CHD9: variants seen among roughly 807,000 people sequenced by gnomAD.
CHD9 encodes chromodomain helicase DNA binding protein 9.
In CHD9, 77 loss-of-function variants were observed where a neutral mutation model predicts 316.1. The observed-to-expected ratio is 0.24, with a 90% confidence interval of 0.20 to 0.29. CHD9 has a LOEUF of 0.29. Among genes scored for constraint, CHD9 ranks in the 10% least tolerant of loss-of-function variants. The pLI, the probability that CHD9 is intolerant of heterozygous loss-of-function variation, is 1.00. For missense variants in CHD9, 2,763 were observed against 3,438.1 expected (o/e 0.80, Z 4.91); for synonymous variants, 1,129 against 1,158.3 (o/e 0.97, Z 0.51).
intron 8 of CHD9, among the ~76,000 whole-genome samples, chr16:53,229,336 T>C (rs917497142): frequency 6.6e-5 from 10 of 152,330 alleles, no homozygotes; most frequent in African/African-American, 2.4e-4. Flanking sequence ...TAGCATATAT[T>C]TCAACATTTA....
intron 28 of CHD9, among the ~76,000 whole-genome samples, chr16:53,292,571 A>G (rs2054431489): frequency 6.6e-6 from 1 of 152,214 alleles, no homozygotes; most frequent in South Asian, 2.1e-4. Flanking sequence ...TTTGCCAGCC[A>G]GTGTGATATA....
chr16:53,146,413 G>GTATATATATATATATATATA (rs1361043895), intron 1 of CHD9, among the ~76,000 whole-genome samples: 115 of 24,424 alleles, frequency 4.7e-3, no homozygotes, highest in South Asian at 0.015. Flanking sequence ...TTGTGTGTGT[G>GTATATATATATATATATATA]TGTATGTATA....
chr16:53,279,367 G>A (rs899764053), intron 24 of CHD9, among the ~76,000 whole-genome samples: 14 of 152,062 alleles, frequency 9.2e-5, no homozygotes, highest in Non-Finnish European at 1.6e-4. Context: ...TCGTGGGGTG[G>A]GGGGTAAGGG....
chr16:53,084,562 G>A (rs919876061), intron 1 of CHD9, among the ~76,000 whole-genome samples: 5 of 152,306 alleles, frequency 3.3e-5, no homozygotes, highest in African/African-American at 1.2e-4. Flanking sequence ...GGCCAATATG[G>A]TGAAACCCTG....
chr16:53,117,992 A>AT (rs1299235705), intron 1 of CHD9, among the ~76,000 whole-genome samples: 2 of 151,330 alleles, frequency 1.3e-5, no homozygotes, highest in African/African-American at 2.4e-5. Flanking sequence ...CGCCCAGCTA[A>AT]TTTTTTTTGT....
Position 53,156,962 on chromosome 16 carries a change from A to G in CHD9, c.873A>G (p.Ala291=). 6.2e-7 allele frequency: 1 copy of G among 1,613,330 alleles called. No homozygotes were observed. The highest frequency in any genetic ancestry group is 8.5e-7 in the Non-Finnish European group (1 of 1,179,538). The change falls in exon 2 of 39, where the codon GCA becomes GCG. Residue 291 remains alanine, a synonymous_variant. Transcript: ENST00000447540. ...CAAACAGTCTACTTCAGTCCTCTGC[A>G]GTTCTTGCATCTAATCATACAAATC... ...ISPNSLLQSS[A]VLASNHTNQT... is the part of the protein sequence containing the mutation.
chr16:53,280,381 C>T (rs1046130475), intron 24 of CHD9, among the ~76,000 whole-genome samples: 1 of 152,016 alleles, frequency 6.6e-6, no homozygotes, highest in Non-Finnish European at 1.5e-5. Context: ...TTGCAGCAAC[C>T]TTGGGGGATA....
At chr16:53,084,673 G>A (rs1420179866) in intron 1 of CHD9, among the ~76,000 whole-genome samples, 1 of 152,212 alleles carries the variant, frequency 6.6e-6, no homozygotes, top group Non-Finnish European at 1.5e-5. Context: ...AACCTGGGAG[G>A]CGGAGGTTGC....
Position 53,304,349 on chromosome 16 carries a change from A to C in CHD9, c.6343A>C (p.Asn2115His), listed in dbSNP as rs750240375. ...VAARTEPLTP[N>H]PASKKPRVHK... ...AGCCAGAACAGAACCCCTAACTCCA[A>C]ACCCAGCTTCTAAGAAACCAAGAGT... is the stretch of plus-strand genomic sequence containing the variant. Residue 2115 changes from asparagine (N) to histidine (H), a missense_variant, in exon 31 of 39, where the codon AAC (asparagine) becomes CAC (histidine). Physicochemically the swap from Asn to His is moderately conservative, Grantham distance 68. This residue lies in a region of CHD9 where 663 missense variants were observed against 751.2 expected (regional missense o/e 0.88). Coordinates refer to ENST00000447540, the MANE Select transcript of CHD9 (RefSeq NM_001308319.2). The C allele has an allele frequency of 6.2e-7, 1 of 1,613,206 alleles. No individual in the cohort carries two copies. Among genetic ancestry groups the C allele is most frequent in the East Asian group, 2.2e-5 (1 of 44,848 alleles).
In CHD9 at chr16:53,286,229, A is replaced by T; in HGVS notation, c.5075A>T (p.Tyr1692Phe). Residue 1692 changes from tyrosine (Y) to phenylalanine (F), a missense_variant, in exon 26 of 39, where the codon TAT becomes TTT. Physicochemically the swap from Tyr to Phe is conservative, Grantham distance 22 (BLOSUM62 3). Coordinates refer to ENST00000447540, the MANE Select transcript of CHD9 (RefSeq NM_001308319.2). Reference sequence around the variant, plus strand: ...TTGTAATTGGTGATGTTTTCAGGATATGAAAAATATAACACTATTCGAGCA... The same window carrying T: ...TTGTAATTGGTGATGTTTTCAGGATTTGAAAAATATAACACTATTCGAGCA... ...SLLIGVFKHG[Y>F]EKYNTIRADP... 1.3e-6 allele frequency: 2 copies of T among 1,578,064 alleles called. No homozygotes were observed. The highest frequency in any genetic ancestry group is 1.7e-6 in the Non-Finnish European group (2 of 1,148,142).
At chr16:53,134,130 A>G (rs1405397237) in intron 1 of CHD9, among the ~76,000 whole-genome samples, 1 of 152,220 alleles carries the variant, frequency 6.6e-6, no homozygotes, top group African/African-American at 2.4e-5. Context: ...TACTGGGGAA[A>G]TTTCATCGGG....
chr16:53,168,987 G>A (rs1258049775), intron 2 of CHD9, among the ~76,000 whole-genome samples: 1 of 152,182 alleles, frequency 6.6e-6, no homozygotes, highest in Non-Finnish European at 1.5e-5. Context: ...GAAGTGGACA[G>A]GTCACTTGAG....
intron 1 of CHD9, among the ~76,000 whole-genome samples, chr16:53,078,155 T>G (rs2152528950): frequency 6.6e-6 from 1 of 152,372 alleles, no homozygotes; most frequent in East Asian, 1.9e-4. Flanking sequence ...ATATATCACT[T>G]AAGTTTATGT....
chr16:53,220,687 T>G (rs926279168), intron 3 of CHD9, among the ~76,000 whole-genome samples: 1 of 152,216 alleles, frequency 6.6e-6, no homozygotes, highest in Non-Finnish European at 1.5e-5. Context: ...AAATTCTTGC[T>G]CTCAAGAGCT....
chr16:53,067,447 C>CTTT (rs571759798), intron 1 of CHD9, among the ~76,000 whole-genome samples: 2 of 151,450 alleles, frequency 1.3e-5, no homozygotes, highest in Non-Finnish European at 2.9e-5. Context: ...ACATTTATAT[C>CTTT]TTTTTTTTTA....
At chr16:53,255,849 A>G (rs1049411026) in intron 19 of CHD9, 70 bp downstream of exon 19, 1 of 1,375,462 alleles carries the variant, frequency 7.3e-7, no homozygotes, top group South Asian at 1.3e-5. Flanking sequence ...AAGTTTAATT[A>G]TCTCTTATAC....
intron 36 of CHD9, among the ~76,000 whole-genome samples, chr16:53,316,920 C>T (rs1279321203): frequency 1.3e-5 from 2 of 151,916 alleles, no homozygotes; most frequent in Non-Finnish European, 2.9e-5. Context: ...AGAAGATGGC[C>T]GGGTGCGGTA....
At chr16:53,296,541 C>T (rs2054816935) in intron 29 of CHD9, among the ~76,000 whole-genome samples, 1 of 145,986 alleles carries the variant, frequency 6.8e-6, no homozygotes, top group Non-Finnish European at 1.5e-5. Context: ...CCTGGGTTCA[C>T]GCCATTCTCC....
At position 53,254,488 on chromosome 16, in the gene CHD9, C is replaced by T. The variant is rs1261782644; in HGVS notation, c.3912C>T (p.Tyr1304=). Residue 1304 remains tyrosine (Y), a synonymous_variant, in exon 18 of 39, where the codon TAC becomes TAT. Coordinates refer to ENST00000447540, the MANE Select transcript of CHD9 (RefSeq NM_001308319.2). ...GTCAGAACAAAGCAGTTAAAGTCTA[C>T]AGACTGGTAACTCGTAACTCATATG... The part of the protein sequence containing the change: ...RIGQNKAVKV[Y]RLVTRNSYER... 2 of 1,612,642 alleles carry T rather than the reference C, an allele frequency of 1.2e-6. No individual in the cohort carries two copies. Among genetic ancestry groups the T allele is most frequent in the Admixed American group, 1.7e-5 (1 of 59,944 alleles).
Sources: allele counts gnomAD v4.1 joint callset (sites outside exome capture counted in the v4.1 genomes callset), GRCh38; gene constraint gnomAD v4.1.1; regional missense constraint gnomAD v4.1.1; transcripts MANE v1.5; gene names NCBI Gene and HGNC (gene_info 2026-07-23, HGNC 2026-07-21).